Variants in SMIM45 observed in about 807,000 individuals in gnomAD.
SMIM45 encodes small integral membrane protein 45, also known as long intergenic non-protein coding RNA 634.
At chr22:41,948,262 A>G in the SMIM45 span, among the ~76,000 whole-genome samples, 28,251 of 152,120 alleles carry the variant, frequency 0.19, 3,355 homozygotes, top group Admixed American at 0.31. Context: ...GAGTGAATGG[A>G]TGGATTACAT....
the SMIM45 span, chr22:41,947,158 C>G: frequency 7.1e-7 from 1 of 1,399,786 alleles, no homozygotes; most frequent in Non-Finnish European, 1.0e-6. Flanking sequence ...AGAGCGCGGC[C>G]TGGGGGCACG....
the SMIM45 span, among the ~76,000 whole-genome samples, chr22:41,956,486 G>A: frequency 2.6e-5 from 4 of 152,304 alleles, no homozygotes; most frequent in East Asian, 7.7e-4. Flanking sequence ...GCCACACTTG[G>A]CTAGGGCGTG....
chr22:41,950,945 TTG>T, the SMIM45 span, among the ~76,000 whole-genome samples: 16 of 152,316 alleles, frequency 1.1e-4, no homozygotes, highest in Middle Eastern at 3.4e-3. Flanking sequence ...TGAGCCGAGA[TTG>T]CGCCACTGCA....
At chr22:41,953,169 G>C in the SMIM45 span, among the ~76,000 whole-genome samples, 1 of 152,130 alleles carries the variant, frequency 6.6e-6, no homozygotes, top group Non-Finnish European at 1.5e-5. Flanking sequence ...GAGGACCTTT[G>C]GGGTAGGAGA....
chr22:41,956,020 C>CT, the SMIM45 span, among the ~76,000 whole-genome samples: 590 of 142,364 alleles, frequency 4.1e-3, 1 homozygote, highest in East Asian at 4.7e-3. Flanking sequence ...TTACCATTCC[C>CT]TTTTTTTTTT....
At chr22:41,955,154 C>A in the SMIM45 span, among the ~76,000 whole-genome samples, 1 of 151,658 alleles carries the variant, frequency 6.6e-6, no homozygotes, top group African/African-American at 2.4e-5. Context: ...CTGTGCCAGG[C>A]AGAATGGTGC....
At chr22:41,949,984 T>C in the SMIM45 span, among the ~76,000 whole-genome samples, 2 of 152,108 alleles carry the variant, frequency 1.3e-5, no homozygotes, top group African/African-American at 2.4e-5. Context: ...GCCAGCATTT[T>C]TCAAATCGGC....
At chr22:41,955,896 G>T in the SMIM45 span, among the ~76,000 whole-genome samples, 2 of 151,958 alleles carry the variant, frequency 1.3e-5, no homozygotes, top group Non-Finnish European at 1.5e-5. Flanking sequence ...GAGGCTCAGA[G>T]AATAAGAACA....
At chr22:41,950,978 C>G in the SMIM45 span, among the ~76,000 whole-genome samples, 1 of 152,212 alleles carries the variant, frequency 6.6e-6, no homozygotes, top group South Asian at 2.1e-4. Context: ...GCGAACACAG[C>G]GAGACTCCGT....
chr22:41,949,432 C>T, the SMIM45 span, among the ~76,000 whole-genome samples: 2 of 152,166 alleles, frequency 1.3e-5, no homozygotes, highest in Non-Finnish European at 2.9e-5. Context: ...TGGAAAGCCC[C>T]TGAGTGGGAA....
chr22:41,950,423 G>A, the SMIM45 span, among the ~76,000 whole-genome samples: 497 of 152,322 alleles, frequency 3.3e-3, 7 homozygotes, highest in African/African-American at 0.011. Context: ...ACTTTGGCCA[G>A]GTGGTGGCTC....
At chr22:41,957,875 G>C in the SMIM45 span, 1 of 157,544 alleles carries the variant, frequency 6.3e-6, no homozygotes, top group Non-Finnish European at 1.4e-5. Flanking sequence ...CCTGGCCTTC[G>C]GCGGCCCGGA....
chr22:41,947,170 G>A, the SMIM45 span: 3 of 1,230,618 alleles, frequency 2.4e-6, no homozygotes, highest in Non-Finnish European at 3.5e-6. Flanking sequence ...GGGGGCACGT[G>A]CCTCCTTATA....
chr22:41,947,233 C>G, the SMIM45 span: 2 of 650,128 alleles, frequency 3.1e-6, no homozygotes, highest in Non-Finnish European at 5.4e-6. Flanking sequence ...GAACCTTTAT[C>G]TCCTTTTCTG....
the SMIM45 span, among the ~76,000 whole-genome samples, chr22:41,952,968 A>G: frequency 6.6e-6 from 1 of 151,926 alleles, no homozygotes; most frequent in Non-Finnish European, 1.5e-5. Context: ...ACCTTCACCA[A>G]CCCTGGCAGC....
chr22:41,947,826 G>T, the SMIM45 span, among the ~76,000 whole-genome samples: 5 of 151,954 alleles, frequency 3.3e-5, no homozygotes, highest in Admixed American at 1.3e-4. Flanking sequence ...CCACCATGGG[G>T]ATCTGGCCAT....
At chr22:41,958,354 C>A in the SMIM45 span, 1 of 456,698 alleles carries the variant, frequency 2.2e-6, no homozygotes, top group Admixed American at 2.3e-5. Flanking sequence ...AACCTAAGAA[C>A]CTCGTTTGGA....
the SMIM45 span, chr22:41,947,126 A>C: frequency 6.3e-7 from 1 of 1,589,156 alleles, no homozygotes; most frequent in South Asian, 1.1e-5. Context: ...CGATCTTTCA[A>C]ACCGCCCTGA....
the SMIM45 span, among the ~76,000 whole-genome samples, chr22:41,956,953 G>A: frequency 1.3e-5 from 2 of 150,850 alleles, no homozygotes; most frequent in African/African-American, 2.4e-5. Context: ...GCTAATTTTT[G>A]TATTTTTAGT....
Sources: gnomAD v4.1 joint callset for allele counts (sites outside exome capture counted in the v4.1 genomes callset) on GRCh38, gnomAD v4.1.1 for gene constraint, MANE v1.5 for transcripts, NCBI Gene and HGNC (gene_info 2026-07-23, HGNC 2026-07-21) for gene names.